Variants in ALPK1 observed in about 807,000 individuals in gnomAD.
ALPK1 encodes alpha-protein kinase 1.
Under a neutral mutation model 120.6 loss-of-function variants are expected in ALPK1, and 110 were observed. That is an observed-to-expected ratio of 0.91 (90% CI 0.78 to 1.07). The LOEUF is 1.07. ALPK1 is among the 50% of genes least tolerant of loss of function. The pLI is 0.00. For synonymous variants in ALPK1, 582 were observed against 560.3 expected, an observed-to-expected ratio of 1.04 and a Z score of -0.55; for missense variants, 1,498 against 1,483.9, an observed-to-expected ratio of 1.01 and a Z score of -0.16.
chr4:112,358,520 G>A, intron 2 of ALPK1: 1 of 677,858 alleles, frequency 1.5e-6, no homozygotes, highest in Non-Finnish European at 2.6e-6. Context: ...AGCTGCTGGG[G>A]ACCCGGAGGG....
chr4:112,407,167 A>T (rs1733220078), intron 4 of ALPK1, among the ~76,000 whole-genome samples: 1 of 152,106 alleles, frequency 6.6e-6, no homozygotes, highest in African/African-American at 2.4e-5. Flanking sequence ...GAAAAAGGGG[A>T]GTTGTTTTTT....
rs559003874 is a variant in ALPK1, at chr4:112,309,286, G to A, written c.-152-6515G>A. Among the ~76,000 whole-genome samples the A allele has an allele frequency of 3.3e-5, 5 of 152,256 alleles. No individual in the cohort carries two copies. In the East Asian group the frequency reaches 9.6e-4, roughly 29 times the overall value. On this transcript the variant is annotated intron_variant, in intron 1 of 15. Transcript: ENST00000650871. Reference sequence around the variant, plus strand: ...ACTCTCTTCAAAGCTGTCAGACAGGGACATTTAAGTCTGCCGAGGTTTCTG... The same window carrying A: ...ACTCTCTTCAAAGCTGTCAGACAGGAACATTTAAGTCTGCCGAGGTTTCTG...
At chr4:112,355,922 G>A (rs1318232904) in intron 2 of ALPK1, among the ~76,000 whole-genome samples, 3 of 152,262 alleles carry the variant, frequency 2.0e-5, no homozygotes, top group Non-Finnish European at 4.4e-5. Context: ...GAGGTCCTGA[G>A]GTCCCCCGGT....
At chr4:112,345,919 A>G (rs1490016621) in intron 2 of ALPK1, among the ~76,000 whole-genome samples, 1 of 152,184 alleles carries the variant, frequency 6.6e-6, no homozygotes, top group African/African-American at 2.4e-5. Flanking sequence ...GCTGGAGTGC[A>G]ATGGTGCAAT....
At chr4:112,328,659 C>T (rs76179200) in intron 2 of ALPK1, among the ~76,000 whole-genome samples, 1,720 of 152,310 alleles carry the variant, frequency 0.011, 33 homozygotes, top group African/African-American at 0.039. Context: ...TGTGTAATCT[C>T]TATGCCTTAC....
intron 4 of ALPK1, among the ~76,000 whole-genome samples, chr4:112,390,089 G>A (rs1262529469): frequency 6.6e-6 from 1 of 152,280 alleles, no homozygotes; most frequent in Middle Eastern, 3.4e-3. Flanking sequence ...TACAACTCTA[G>A]TCTGTCACCC....
chr4:112,356,639 C>T (rs1408814276), intron 2 of ALPK1: 2 of 807,344 alleles, frequency 2.5e-6, no homozygotes, highest in African/African-American at 1.7e-5. Context: ...TGGCAAGTCG[C>T]TCTGTCATTT....
intron 2 of ALPK1, among the ~76,000 whole-genome samples, chr4:112,333,624 C>T (rs983691991): frequency 1.3e-5 from 2 of 152,210 alleles, no homozygotes; most frequent in Non-Finnish European, 2.9e-5. Flanking sequence ...TTACCAGAGT[C>T]TCTGGTAGAT....
At chr4:112,363,208 T>A (rs1302198469) in intron 2 of ALPK1, among the ~76,000 whole-genome samples, 1 of 152,124 alleles carries the variant, frequency 6.6e-6, no homozygotes, top group Non-Finnish European at 1.5e-5. Context: ...AGGTAACAAA[T>A]AGCATGATGA....
At position 112,419,880 on chromosome 4, in the gene ALPK1, C is replaced by A. The variant is rs148706420; in HGVS notation, c.476-4064C>A. Among the ~76,000 whole-genome samples, 215 of 152,260 alleles carry A rather than the reference C, an allele frequency of 1.4e-3. 1 individual carries two copies. Among genetic ancestry groups the A allele is most frequent in the Non-Finnish European group, 2.1e-3 (143 of 68,012 alleles). ...CATTTCTTTATTTGTGAAATGAAGA[C>A]AATAGAGTGCTTAGATATAATTTAG... On this transcript the variant is annotated intron_variant, in intron 5 of 15. Coordinates refer to ENST00000650871, the MANE Select transcript of ALPK1 (RefSeq NM_025144.4).
Position 112,432,532 on chromosome 4 carries a change from A to C in ALPK1, c.2985A>C (p.Arg995Ser). Reference protein sequence around the residue: ...AGVRHDWLFQRLENTGVFKPS... With the variant: ...AGVRHDWLFQSLENTGVFKPS... ...TGAGGCATGATTGGCTGTTTCAGAGACTAGAGAATACGGGGGTTTTTAAGC... is the reference window on the plus strand; with the variant it reads ...TGAGGCATGATTGGCTGTTTCAGAGCCTAGAGAATACGGGGGTTTTTAAGC... Residue 995 changes from arginine to serine, a missense_variant, in exon 11 of 16, where the codon AGA (arginine) becomes AGC (serine). Physicochemically the swap from Arg to Ser is moderately radical, Grantham distance 110. Coordinates refer to ENST00000650871, the MANE Select transcript of ALPK1 (RefSeq NM_025144.4). 1 of 1,614,118 alleles carries C rather than the reference A, an allele frequency of 6.2e-7. No homozygotes were observed. The highest frequency in any genetic ancestry group is 8.5e-7 in the Non-Finnish European group (1 of 1,180,022).
chr4:112,357,763 GC>G, intron 2 of ALPK1: 3 of 1,162,964 alleles, frequency 2.6e-6, no homozygotes, highest in Non-Finnish European at 3.9e-6. Context: ...GGGCAACATC[GC>G]CCGCATGGTG....
At chr4:112,371,940 A>G (rs1381556328) in intron 2 of ALPK1, among the ~76,000 whole-genome samples, 1 of 152,252 alleles carries the variant, frequency 6.6e-6, no homozygotes, top group East Asian at 1.9e-4. Flanking sequence ...AGCTAGAAGC[A>G]TCTTAACAAT....
chr4:112,346,155 G>A (rs927920626), intron 2 of ALPK1, among the ~76,000 whole-genome samples: 1 of 152,162 alleles, frequency 6.6e-6, no homozygotes, highest in Non-Finnish European at 1.5e-5. Context: ...GAGCCACCAC[G>A]TCCAGCTGAT....
Position 112,438,540 on chromosome 4 carries a change from T to G in ALPK1, c.3245T>G (p.Val1082Gly), listed in dbSNP as rs1734885105. Residue 1082 changes from valine (V) to glycine (G), a missense_variant, in exon 13 of 16, where the codon GTG becomes GGG. Coordinates refer to ENST00000650871, the MANE Select transcript of ALPK1 (RefSeq NM_025144.4). ...QKGLWHHFTD[V>G]ERQMTAQHYV... ...GGGCTCTGGCACCACTTCACTGATGTGGAGCGACAGATGACCGCACAGCAC... is the reference window on the plus strand; with the variant it reads ...GGGCTCTGGCACCACTTCACTGATGGGGAGCGACAGATGACCGCACAGCAC... 4 of 1,613,816 alleles carry G rather than the reference T, an allele frequency of 2.5e-6. No homozygotes were observed. Among genetic ancestry groups the G allele is most frequent in the Non-Finnish European group, 3.4e-6 (4 of 1,179,850 alleles).
chr4:112,345,572 A>G (rs1359627023), intron 2 of ALPK1, among the ~76,000 whole-genome samples: 4 of 152,350 alleles, frequency 2.6e-5, no homozygotes, highest in Non-Finnish European at 1.5e-5. Flanking sequence ...AAATAATTTC[A>G]GAACGGTCTC....
At chr4:112,376,446 T>C (rs1227744762) in intron 2 of ALPK1, among the ~76,000 whole-genome samples, 1 of 152,212 alleles carries the variant, frequency 6.6e-6, no homozygotes, top group Non-Finnish European at 1.5e-5. Context: ...ATACGAAGTA[T>C]ACCTGCCAAG....
chr4:112,357,701 C>T (rs1291984084), intron 2 of ALPK1: 12 of 1,567,610 alleles, frequency 7.7e-6, no homozygotes, highest in East Asian at 2.2e-5. Context: ...TTGAGCTCCG[C>T]GTTTGACAGA....
At chr4:112,358,550 G>A (rs1045210314) in intron 2 of ALPK1, 27 of 700,208 alleles carry the variant, frequency 3.9e-5, no homozygotes, top group Admixed American at 2.9e-4. Flanking sequence ...TATGGAGTAT[G>A]AGCAGGAGCC....
Sources: gnomAD v4.1 joint callset for allele counts (sites outside exome capture counted in the v4.1 genomes callset) on GRCh38, gnomAD v4.1.1 for gene constraint, MANE v1.5 for transcripts, NCBI Gene and HGNC (gene_info 2026-07-23, HGNC 2026-07-21) for gene names.